ATRX: variants seen among roughly 807,000 people sequenced by gnomAD.
The protein encoded by ATRX is chromatin remodeler ATRX.
Under a neutral mutation model 172.6 loss-of-function variants are expected in ATRX, and 12 were observed. The observed-to-expected ratio is 0.07, with a 90% CI of 0.04 to 0.11. The LOEUF (loss-of-function observed/expected upper bound fraction) is 0.11, where lower values mean the gene tolerates loss of function less well. Ranked by LOEUF, ATRX falls within the 10% of genes least tolerant of loss-of-function variation. The probability of loss-of-function intolerance (pLI) is 1.00; values close to 1 mark genes in which losing one functional copy is unlikely to be tolerated. For missense variants in ATRX, 1,368 were observed against 1,767.4 expected (o/e 0.77, Z 4.05); for synonymous variants, 674 against 594.7 (o/e 1.13, Z -1.94).
intron 1 of ATRX, among the ~76,000 whole-genome samples, chrX:77,726,898 T>A (rs972767000): frequency 1.8e-5 from 2 of 110,314 alleles, no homozygotes; most frequent in Admixed American, 1.9e-4. Context: ...CGATGAGGAA[T>A]TGGAAAATTT....
chrX:77,759,612 G>A (rs2075643110), intron 1 of ATRX, among the ~76,000 whole-genome samples: 1 of 110,844 alleles, frequency 9.0e-6, no homozygotes. Flanking sequence ...TGCTTGGGAG[G>A]CCAAGGCAAG....
chrX:77,673,174 A>C (rs1416400753), intron 10 of ATRX, among the ~76,000 whole-genome samples: 1 of 111,198 alleles, frequency 9.0e-6, no homozygotes, highest in Non-Finnish European at 1.9e-5. Flanking sequence ...AGTTATATTG[A>C]ACATATAAAG....
chrX:77,786,085 A>G lies in ATRX; in HGVS notation c.-84T>C. ...CCGCGCCCGGTTACGATAGAAATGC[A>G]CTGGAGTCTTAGTCGTCACTGTAGC... On this transcript the variant is annotated 5_prime_UTR_variant, in exon 1 of 35. Transcript: ENST00000373344. The G allele has an allele frequency of 9.3e-7, 1 of 1,072,728 alleles. No individual in the cohort carries two copies. Among genetic ancestry groups the G allele is most frequent in the Admixed American group, 2.6e-5 (1 of 38,111 alleles). 88.4% of individuals were successfully genotyped at this position (1,072,728 alleles called of 1,213,427 possible).
Position 77,505,492 on chromosome X carries a change from A to G in ATRX, c.*2859T>C, listed in dbSNP as rs183405599. ...ACATCCAAAACTAACACAAACACAC[A>G]TGGACTTCCTGGTATGTAAATTCTT... is the stretch of plus-strand genomic sequence containing the variant. On this transcript the variant is annotated 3_prime_UTR_variant, in exon 35 of 35. Coordinates refer to ENST00000373344, the MANE Select transcript of ATRX (RefSeq NM_000489.6). 2.8e-4 allele frequency: 48 copies of G among 173,154 alleles called. No individual in the cohort carries two copies. The highest frequency in any genetic ancestry group is 1.3e-3 in the African/African-American group (44 of 33,861). The allele number at this position is 173,154 out of a possible 1,213,427, so 14.3% of individuals were successfully genotyped here.
chrX:77,540,424 A>G (rs1218414702), intron 30 of ATRX, among the ~76,000 whole-genome samples: 1 of 111,517 alleles, frequency 9.0e-6, no homozygotes, highest in African/African-American at 3.3e-5. Context: ...AAAATTAACA[A>G]GGATATTCAG....
At chrX:77,754,345 G>A (rs782478546) in intron 1 of ATRX, among the ~76,000 whole-genome samples, 1 of 111,378 alleles carries the variant, frequency 9.0e-6, no homozygotes, top group South Asian at 3.8e-4. Context: ...TACATTTAAG[G>A]TTCATATTAT....
At chrX:77,774,831 T>C (rs1331157560) in intron 1 of ATRX, among the ~76,000 whole-genome samples, 4 of 111,817 alleles carry the variant, frequency 3.6e-5, no homozygotes, top group Non-Finnish European at 7.5e-5. Context: ...TGACTCTAGC[T>C]TTCTGAGTAG....
chrX:77,541,965 C>T (rs1295534959), intron 30 of ATRX, among the ~76,000 whole-genome samples: 9 of 111,171 alleles, frequency 8.1e-5, no homozygotes, highest in African/African-American at 2.6e-4. Context: ...AAGTTCTGGC[C>T]AAGGCAATCA....
At chrX:77,686,021 A>C (rs144345378) in intron 7 of ATRX, among the ~76,000 whole-genome samples, 4 of 111,771 alleles carry the variant, frequency 3.6e-5, no homozygotes, top group Non-Finnish European at 7.5e-5. Context: ...GAACTAATGA[A>C]GGATGTCATG....
chrX:77,720,293 T>C (rs548242369), intron 1 of ATRX, among the ~76,000 whole-genome samples: 48 of 111,227 alleles, frequency 4.3e-4, no homozygotes, highest in African/African-American at 1.5e-3. Context: ...AGCAAACAAC[T>C]TCAAAAGCTA....
At chrX:77,613,097 T>G (rs2067224804) in intron 22 of ATRX, among the ~76,000 whole-genome samples, 1 of 111,006 alleles carries the variant, frequency 9.0e-6, no homozygotes, top group African/African-American at 3.3e-5. Context: ...CTTTCAATTC[T>G]TCTGGGTATA....
chrX:77,670,220 T>A (rs782208697), intron 10 of ATRX, among the ~76,000 whole-genome samples: 2 of 111,823 alleles, frequency 1.8e-5, no homozygotes, highest in African/African-American at 6.5e-5. Context: ...TAAAAATTGG[T>A]TTTTGTGTAC....
At chrX:77,543,742 A>G (rs1188505438) in intron 30 of ATRX, among the ~76,000 whole-genome samples, 5 of 109,878 alleles carry the variant, frequency 4.6e-5, no homozygotes, top group Admixed American at 9.8e-5. Context: ...CTCGCTCATA[A>G]GCGGGAGGTG....
intron 30 of ATRX, among the ~76,000 whole-genome samples, chrX:77,537,902 A>G (rs2063810041): frequency 9.0e-6 from 1 of 111,283 alleles, no homozygotes; most frequent in African/African-American, 3.3e-5. Flanking sequence ...TCACGGAATC[A>G]GCCTAAGTGT....
At chrX:77,707,994 T>C (rs1028496486) in intron 2 of ATRX, among the ~76,000 whole-genome samples, 1 of 112,259 alleles carries the variant, frequency 8.9e-6, no homozygotes, top group Admixed American at 9.5e-5. Context: ...AGTAAAATAG[T>C]ATCTCTACTT....
intron 1 of ATRX, among the ~76,000 whole-genome samples, chrX:77,762,655 A>C (rs2075762479): frequency 9.0e-6 from 1 of 111,464 alleles, no homozygotes; most frequent in Non-Finnish European, 1.9e-5. Context: ...AATGAATAAG[A>C]AAATAAAATG....
chrX:77,600,612 C>A (rs1277498521), intron 22 of ATRX, 48 bp from the exon 23 acceptor site: 1 of 1,179,820 alleles, frequency 8.5e-7, no homozygotes, highest in East Asian at 3.0e-5. Flanking sequence ...TCTATATCAA[C>A]CAAGTTTCTA....
chrX:77,711,604 G>A (rs1287897251), intron 2 of ATRX, among the ~76,000 whole-genome samples: 1 of 112,429 alleles, frequency 8.9e-6, no homozygotes, highest in African/African-American at 3.2e-5. Flanking sequence ...GGAAGCCGAG[G>A]CAGGCAGATA....
intron 15 of ATRX, among the ~76,000 whole-genome samples, chrX:77,641,097 C>A (rs782101435): frequency 9.0e-6 from 1 of 111,270 alleles, no homozygotes; most frequent in Non-Finnish European, 1.9e-5. Context: ...ATTGAAGAAA[C>A]GCATTAACCA....
Sources: allele counts gnomAD v4.1 joint callset (sites outside exome capture counted in the v4.1 genomes callset), GRCh38; gene constraint gnomAD v4.1.1; transcripts MANE v1.5; gene names NCBI Gene and HGNC (gene_info 2026-07-23, HGNC 2026-07-21).